The following ARHGAP29 variants were observed in gnomAD, a reference collection of about 807,000 sequenced individuals.
The protein encoded by ARHGAP29 is Rho GTPase activating protein 29.
A neutral mutation model predicts 122.6 loss-of-function variants in ARHGAP29; 43 were observed. That is an observed-to-expected ratio of 0.35 (90% confidence interval 0.27 to 0.45). The LOEUF is 0.45. Among genes scored for constraint, ARHGAP29 ranks in the 20% least tolerant of loss-of-function variants. The pLI is 1.00. For synonymous variants in ARHGAP29, 506 were observed against 497.1 expected, an observed-to-expected ratio of 1.02 and a Z score of -0.24; for missense variants, 1,303 against 1,477.2, an observed-to-expected ratio of 0.88 and a Z score of 1.93.
intron 16 of ARHGAP29, 42 bp downstream of exon 16, chr1:94,186,457 T>C (rs752403252): frequency 2.1e-5 from 28 of 1,364,918 alleles, no homozygotes; most frequent in Non-Finnish European, 2.7e-5. Context: ...GTGCTACTGA[T>C]TGAGCTGGTT....
chr1:94,275,356 C>T (rs1326197358), upstream of ARHGAP29, among the ~76,000 whole-genome samples: 4 of 152,206 alleles, frequency 2.6e-5, no homozygotes, highest in Non-Finnish European at 5.9e-5. Context: ...ATGACTTTTA[C>T]CTTCCCATCA....
intron 12 of ARHGAP29, among the ~76,000 whole-genome samples, chr1:94,197,622 A>G (rs965122239): frequency 3.3e-5 from 5 of 152,202 alleles, no homozygotes; most frequent in African/African-American, 9.6e-5. Flanking sequence ...AAAGTAGCAA[A>G]TTGAATCCAG....
At chr1:94,200,274 A>C (rs1650757018) in intron 12 of ARHGAP29, among the ~76,000 whole-genome samples, 1 of 152,214 alleles carries the variant, frequency 6.6e-6, no homozygotes, top group South Asian at 2.1e-4. Context: ...TAGCTAAAAC[A>C]CAGATTGTCA....
At chr1:94,224,642 AT>A (rs994770700) in intron 2 of ARHGAP29, among the ~76,000 whole-genome samples, 15 of 152,012 alleles carry the variant, frequency 9.9e-5, no homozygotes, top group African/African-American at 3.4e-4. Context: ...GTCCTCAGTA[AT>A]TTTTTTTAAC....
the ARHGAP29 span, among the ~76,000 whole-genome samples, chr1:94,283,216 G>A: frequency 6.6e-6 from 1 of 152,152 alleles, no homozygotes; most frequent in Non-Finnish European, 1.5e-5. Flanking sequence ...CCAGCCATTA[G>A]TTTGAACGGC....
At position 94,237,549 on chromosome 1, in the gene ARHGAP29, G is replaced by A. The variant is rs912804971; in HGVS notation, c.-167C>T. Reference sequence around the variant, plus strand: ...GCCCGGCCAAATCTCAGCCGCAGCCGCAGCCGCAGCCACAGCCACAGGCAC... The same window carrying A: ...GCCCGGCCAAATCTCAGCCGCAGCCACAGCCGCAGCCACAGCCACAGGCAC... On this transcript the variant is annotated 5_prime_UTR_variant, in exon 1 of 23. Coordinates refer to ENST00000260526, the MANE Select transcript of ARHGAP29 (RefSeq NM_004815.4). 2.0e-6 allele frequency: 2 copies of A among 990,838 alleles called. No individual in the cohort carries two copies. Among genetic ancestry groups the A allele is most frequent in the Non-Finnish European group, 1.2e-6 (1 of 833,962 alleles). 61.4% of individuals were successfully genotyped at this position (990,838 alleles called of 1,614,324 possible). A position where few individuals can be genotyped will look rare whatever the true frequency, so the allele number is the denominator to read the frequency against.
At chr1:94,271,278 G>C (rs1654984288) in intron 1 of ARHGAP29, among the ~76,000 whole-genome samples, 1 of 144,564 alleles carries the variant, frequency 6.9e-6, no homozygotes, top group South Asian at 2.1e-4. Context: ...AATAAAAGAG[G>C]ATAAGCAAGA....
chr1:94,273,931 A>C (rs929045970), intron 1 of ARHGAP29, among the ~76,000 whole-genome samples: 1 of 152,200 alleles, frequency 6.6e-6, no homozygotes, highest in African/African-American at 2.4e-5. Context: ...GAATGTAGGC[A>C]AATGTTTTAA....
chr1:94,237,781 C>G (rs1013181278), upstream of ARHGAP29: 3 of 985,220 alleles, frequency 3.0e-6, no homozygotes, highest in African/African-American at 3.5e-5. Context: ...GCATCACGGG[C>G]TGCGTCGGCT....
At chr1:94,217,018 A>G (rs1651987675) in intron 3 of ARHGAP29, among the ~76,000 whole-genome samples, 1 of 152,214 alleles carries the variant, frequency 6.6e-6, no homozygotes, top group African/African-American at 2.4e-5. Context: ...AATATGGGTA[A>G]AGATTCCAAT....
chr1:94,224,967 C>T (rs930901391), intron 2 of ARHGAP29, among the ~76,000 whole-genome samples: 9 of 152,106 alleles, frequency 5.9e-5, no homozygotes, highest in African/African-American at 1.9e-4. Flanking sequence ...AAATTAAATA[C>T]ACTGCTGAAG....
chr1:94,234,791 C>T (rs761423869), intron 1 of ARHGAP29, among the ~76,000 whole-genome samples: 32 of 152,180 alleles, frequency 2.1e-4, no homozygotes, highest in Non-Finnish European at 3.8e-4. Flanking sequence ...CCAAACATCA[C>T]TCTTGCAGTT....
At chr1:94,283,838 A>G in the ARHGAP29 span, among the ~76,000 whole-genome samples, 1 of 152,262 alleles carries the variant, frequency 6.6e-6, no homozygotes, top group South Asian at 2.1e-4. Flanking sequence ...CTATCAAATG[A>G]TAGCATAAAG....
chr1:94,266,428 G>T (rs752347507), intron 1 of ARHGAP29, among the ~76,000 whole-genome samples: 7 of 152,204 alleles, frequency 4.6e-5, no homozygotes, highest in Admixed American at 6.5e-5. Context: ...TTTGAATGGA[G>T]TTCTGAGTCT....
the ARHGAP29 span, among the ~76,000 whole-genome samples, chr1:94,306,330 G>A: frequency 8.5e-5 from 13 of 152,356 alleles, no homozygotes; most frequent in African/African-American, 2.4e-4. Context: ...GATTCGCAGA[G>A]AGAGAAAATG....
intron 1 of ARHGAP29, among the ~76,000 whole-genome samples, chr1:94,266,355 G>A (rs1557895410): frequency 6.6e-6 from 1 of 152,188 alleles, no homozygotes; most frequent in African/African-American, 2.4e-5. Flanking sequence ...TGCTAGTCCA[G>A]AAACTCCTCT....
Position 94,202,544 on chromosome 1 carries a change from T to C in ARHGAP29, c.1143A>G (p.Lys381=), listed in dbSNP as rs1557857357. 1.2e-6 allele frequency: 2 copies of C among 1,613,390 alleles called. No individual in the cohort carries two copies. Among genetic ancestry groups the C allele is most frequent in the East Asian group, 2.2e-5 (1 of 44,894 alleles). The change falls in exon 11 of 23, where the codon AAA becomes AAG. Residue 381 remains lysine (K), a splice_region_variant and synonymous_variant. Coordinates refer to ENST00000260526, the MANE Select transcript of ARHGAP29 (RefSeq NM_004815.4). ...KRRLEEEALQ[K]VEEANELYKV... The stretch of plus-strand genomic sequence containing the variant: ...AAATAAAAAAGAAAAAGATCGTTAC[T>C]TTTTGGAGAGCCTCCTCTTCCAACC...
At chr1:94,208,958 G>C in intron 4 of ARHGAP29, 54 bp from the exon 5 acceptor site, 1 of 1,470,778 alleles carries the variant, frequency 6.8e-7, no homozygotes, top group Non-Finnish European at 9.4e-7. Flanking sequence ...CTTTGTGACA[G>C]GGTTTACATT....
In ARHGAP29 at chr1:94,172,104, A is replaced by G. The variant is rs1286185698; in HGVS notation, c.*1765T>C. The G allele has an allele frequency of 6.6e-6, 1 of 152,202 alleles. No homozygotes were observed. Among genetic ancestry groups the G allele is most frequent in the African/African-American group, 2.4e-5 (1 of 41,458 alleles). The allele number at this position is 152,202 out of a possible 1,614,324, so 9.4% of individuals were successfully genotyped here. On this transcript the variant is annotated 3_prime_UTR_variant, in exon 23 of 23. Coordinates refer to ENST00000260526, the MANE Select transcript of ARHGAP29 (RefSeq NM_004815.4). ...CAGTCATTAAGAGCACTAACCATCA[A>G]AATCTGACAGCCCTATGTTTGAGAT... is the stretch of plus-strand genomic sequence containing the variant.
Sources: allele counts gnomAD v4.1 joint callset (sites outside exome capture counted in the v4.1 genomes callset), GRCh38; gene constraint gnomAD v4.1.1; transcripts MANE v1.5; gene names NCBI Gene and HGNC (gene_info 2026-07-23, HGNC 2026-07-21).